The following SGCD variants were observed in gnomAD, a reference collection of about 807,000 sequenced individuals.
The protein encoded by SGCD is sarcoglycan delta.
A neutral mutation model predicts 36.6 loss-of-function variants in SGCD; 18 were observed. The observed-to-expected ratio is 0.49, with a 90% CI of 0.34 to 0.73. The LOEUF (loss-of-function observed/expected upper bound fraction) is 0.73, where lower values mean the gene tolerates loss of function less well. Among genes scored for constraint, SGCD ranks in the 30% least tolerant of loss-of-function variants. SGCD has a pLI of 0.01. For missense variants in SGCD, 387 were observed against 346.7 expected, an observed-to-expected ratio of 1.12 and a Z score of -0.92; for synonymous variants, 133 against 130.6, an observed-to-expected ratio of 1.02 and a Z score of -0.12.
chr5:156,051,323 C>G lies in SGCD; in HGVS notation c.-281-66555C>G, dbSNP rs1759910469. Among the ~76,000 whole-genome samples, 2 of 146,120 alleles carry G rather than the reference C, an allele frequency of 1.4e-5. 1 individual carries two copies. Among genetic ancestry groups the G allele is most frequent in the Non-Finnish European group, 3.1e-5 (2 of 64,800 alleles). On this transcript the variant is annotated intron_variant, in intron 1 of 9. Transcript: ENST00000517913. ...ATTTCCAAAGTGACACTGCATTTCT[C>G]TTCTTCCATGAATTACTTAAGATTC...
intron 3 of SGCD, among the ~76,000 whole-genome samples, chr5:156,163,347 T>A (rs755096612): frequency 6.6e-6 from 1 of 151,596 alleles, no homozygotes; most frequent in Non-Finnish European, 1.5e-5. Flanking sequence ...AGTCCATGTT[T>A]CCGTAGGAGC....
Position 156,070,592 on chromosome 5 carries a change from C to A in SGCD, c.-281-47286C>A, listed in dbSNP as rs559383404. On this transcript the variant is annotated intron_variant, in intron 1 of 9. Coordinates refer to the SGCD transcript ENST00000517913. ...ATCAAGGATATTGGTCTAAAATTCT[C>A]TTTTTTGGTTGTGTCTCTGTCAGGC... Among the ~76,000 whole-genome samples, 528 of 151,946 alleles carry A rather than the reference C, an allele frequency of 3.5e-3. 5 individuals carry two copies. Among genetic ancestry groups the A allele is most frequent in the Non-Finnish European group, 1.3e-3 (87 of 68,016 alleles).
At chr5:156,460,813 T>C (rs1450362990) in intron 3 of SGCD, among the ~76,000 whole-genome samples, 2 of 152,184 alleles carry the variant, frequency 1.3e-5, no homozygotes, top group Non-Finnish European at 2.9e-5. Flanking sequence ...AAATAAGTTT[T>C]CAAAACACTG....
the SGCD span, among the ~76,000 whole-genome samples, chr5:155,742,135 A>T: frequency 6.6e-6 from 1 of 152,212 alleles, no homozygotes; most frequent in Non-Finnish European, 1.5e-5. Context: ...GAAGTTTTAC[A>T]GAAAAGGCTT....
At chr5:156,185,858 G>T (rs1278365947) in intron 3 of SGCD, among the ~76,000 whole-genome samples, 2,158 of 5,862 alleles carry the variant, frequency 0.37, 184 homozygotes, top group Middle Eastern at 0.5. Flanking sequence ...TATAGAGAGA[G>T]AGAGAGAGAG....
intron 3 of SGCD, among the ~76,000 whole-genome samples, chr5:156,484,137 C>G (rs958066852): frequency 3.3e-5 from 5 of 152,182 alleles, no homozygotes; most frequent in African/African-American, 1.2e-4. Flanking sequence ...CACTAAAAAA[C>G]TCATACTCCA....
chr5:156,385,272 A>C (rs551808991), intron 3 of SGCD, among the ~76,000 whole-genome samples: 1 of 152,270 alleles, frequency 6.6e-6, no homozygotes, highest in Non-Finnish European at 1.5e-5. Context: ...CCACCCCCTA[A>C]ATTTAAAGTC....
chr5:156,754,433 C>G (rs1757265023), intron 7 of SGCD, among the ~76,000 whole-genome samples: 1 of 152,128 alleles, frequency 6.6e-6, no homozygotes, highest in Non-Finnish European at 1.5e-5. Context: ...TACTGTATAA[C>G]CATGAAGTAT....
At chr5:155,972,047 G>A (rs1475541734) in intron 1 of SGCD, among the ~76,000 whole-genome samples, 1 of 152,054 alleles carries the variant, frequency 6.6e-6, no homozygotes, top group Non-Finnish European at 1.5e-5. Context: ...TATTGGTTAG[G>A]AATAGAATGA....
At chr5:156,328,871 G>A (rs73304431) in intron 1 of SGCD, among the ~76,000 whole-genome samples, 5,251 of 152,078 alleles carry the variant, frequency 0.035, 299 homozygotes, top group African/African-American at 0.12. Context: ...CCTAATGAGT[G>A]AGAAAAATGC....
rs190991814 is a variant in SGCD, at chr5:155,882,119, T to G, written c.-282+11695T>G. Among the ~76,000 whole-genome samples, 319 of 152,226 alleles carry G rather than the reference T, an allele frequency of 2.1e-3. 1 individual carries two copies. The highest frequency in any genetic ancestry group is 7.0e-3 in the African/African-American group (290 of 41,540). ...ATACTATTATTATTATTATTTTTCT[T>G]TTTTTTGAGACAGAGTCTTGCTCTG... On this transcript the variant is annotated intron_variant, in intron 1 of 9. Transcript: ENST00000517913.
intron 3 of SGCD, among the ~76,000 whole-genome samples, chr5:156,196,349 A>G (rs1764025725): frequency 6.6e-6 from 1 of 152,162 alleles, no homozygotes; most frequent in African/African-American, 2.4e-5. Flanking sequence ...ACCCCAAACT[A>G]CCTTTAACAT....
At chr5:156,644,892 T>G (rs536738267) in intron 6 of SGCD, among the ~76,000 whole-genome samples, 1 of 151,820 alleles carries the variant, frequency 6.6e-6, no homozygotes, top group Non-Finnish European at 1.5e-5. Flanking sequence ...AGAAGCTGGT[T>G]TTTTATTACT....
intron 1 of SGCD, among the ~76,000 whole-genome samples, chr5:156,073,578 A>G (rs1348521929): frequency 1.3e-5 from 2 of 152,170 alleles, no homozygotes; most frequent in South Asian, 2.1e-4. Flanking sequence ...GGTAAAATAA[A>G]TATGTCACAC....
the SGCD span, among the ~76,000 whole-genome samples, chr5:155,756,020 A>G: frequency 2.6e-5 from 4 of 152,238 alleles, no homozygotes; most frequent in Admixed American, 6.5e-5. Context: ...GTTCAATTAC[A>G]AAGTGTGTAT....
the SGCD span, among the ~76,000 whole-genome samples, chr5:155,801,361 C>T: frequency 6.6e-6 from 1 of 152,150 alleles, no homozygotes; most frequent in Admixed American, 6.5e-5. Context: ...CATTTTACTC[C>T]CTCTTGGCTG....
Position 156,644,542 on chromosome 5 carries a change from CTTTT to C in SGCD, c.503-2914_503-2911del, listed in dbSNP as rs796976294. 3.5e-5 allele frequency among the ~76,000 whole-genome samples: 5 copies of C among 143,928 alleles called. No homozygotes were observed. The East Asian group carries it at 1.0e-3, about 29-fold the overall frequency. The allele number at this position is 143,928 out of a possible 152,430, so 94.4% of individuals were successfully genotyped here. ...GTTTAAATTGGATAAAAGTCTGTTC[CTTTT>C]TTTTTTTCCTTAAACACTGAGAAAA... On this transcript the variant is annotated intron_variant, in intron 6 of 8. Transcript: ENST00000337851.
chr5:156,156,231 A>T (rs1762960548), intron 3 of SGCD, among the ~76,000 whole-genome samples: 1 of 151,588 alleles, frequency 6.6e-6, no homozygotes, highest in Non-Finnish European at 1.5e-5. Context: ...AGAGCATTGC[A>T]AAGAGTACTC....
chr5:156,290,461 G>A (rs1288485880), intron 3 of SGCD, among the ~76,000 whole-genome samples: 1 of 152,142 alleles, frequency 6.6e-6, no homozygotes, highest in African/African-American at 2.4e-5. Context: ...CACTTACCCA[G>A]CTGTGTAGAT....
Sources: allele counts gnomAD v4.1 joint callset (sites outside exome capture counted in the v4.1 genomes callset), GRCh38; gene constraint gnomAD v4.1.1; transcripts MANE v1.5; gene names NCBI Gene and HGNC (gene_info 2026-07-23, HGNC 2026-07-21).